SYT1: variants seen among roughly 807,000 people sequenced by gnomAD.
The protein encoded by SYT1 is synaptotagmin 1, also known as synaptotagmin-1.
SYT1 carries 8 observed loss-of-function variants against 44.8 expected under a neutral mutation model. The observed-to-expected ratio is 0.18, with a 90% CI of 0.10 to 0.32. The LOEUF (loss-of-function observed/expected upper bound fraction) is 0.32. Ranked by LOEUF, SYT1 falls within the 10% of genes least tolerant of loss-of-function variation. The pLI, the probability that SYT1 is intolerant of heterozygous loss-of-function variation, is 1.00. For synonymous variants in SYT1, 154 were observed against 188.8 expected (o/e 0.82, Z 1.51); for missense variants, 286 against 509.3 (o/e 0.56, Z 4.22).
intron 8 of SYT1, among the ~76,000 whole-genome samples, chr12:79,303,110 A>T (rs1880226570): frequency 6.6e-6 from 1 of 152,190 alleles, no homozygotes; most frequent in Non-Finnish European, 1.5e-5. Flanking sequence ...CCTGAAACCA[A>T]TCTTTATCTT....
At chr12:79,388,645 C>A (rs73354770) in intron 9 of SYT1, among the ~76,000 whole-genome samples, 1 of 152,018 alleles carries the variant, frequency 6.6e-6, no homozygotes, top group African/African-American at 2.4e-5. Flanking sequence ...AGGGATGTGG[C>A]GGTTGCAATG....
intron 3 of SYT1, among the ~76,000 whole-genome samples, chr12:79,059,118 G>T (rs888498839): frequency 2.0e-5 from 3 of 152,054 alleles, no homozygotes; most frequent in African/African-American, 7.2e-5. Flanking sequence ...AGGCAAGGGA[G>T]CACGTGCAGA....
intron 9 of SYT1, among the ~76,000 whole-genome samples, chr12:79,401,696 G>A (rs148953333): frequency 2.0e-5 from 3 of 149,030 alleles, no homozygotes; most frequent in East Asian, 2.0e-4. Flanking sequence ...TGGAGACAAG[G>A]TCTCACCCTG....
At chr12:78,978,894 T>A (rs954042149) in intron 2 of SYT1, among the ~76,000 whole-genome samples, 2 of 152,202 alleles carry the variant, frequency 1.3e-5, no homozygotes, top group Non-Finnish European at 2.9e-5. Flanking sequence ...CAACTATATA[T>A]TCCTATAAAA....
chr12:78,870,347 C>A (rs189648665), intron 1 of SYT1, among the ~76,000 whole-genome samples: 3 of 152,104 alleles, frequency 2.0e-5, no homozygotes, highest in African/African-American at 7.2e-5. Flanking sequence ...CCTCAAAGAA[C>A]CTATTTCTGT....
chr12:79,270,423 T>A (rs1206267303), intron 4 of SYT1, among the ~76,000 whole-genome samples: 1 of 152,188 alleles, frequency 6.6e-6, no homozygotes, highest in Non-Finnish European at 1.5e-5. Flanking sequence ...GCTGAATTTT[T>A]GTGGTGACCA....
chr12:78,959,951 G>C (rs887673618), intron 1 of SYT1, among the ~76,000 whole-genome samples: 2 of 152,150 alleles, frequency 1.3e-5, no homozygotes, highest in African/African-American at 2.4e-5. Flanking sequence ...AAACACTACT[G>C]GTGATTTTGA....
At chr12:79,051,510 C>T (rs1865861230) in intron 3 of SYT1, among the ~76,000 whole-genome samples, 1 of 151,260 alleles carries the variant, frequency 6.6e-6, no homozygotes, top group Admixed American at 6.6e-5. Context: ...AACATATGCA[C>T]ATTAAGTTTT....
intron 5 of SYT1, among the ~76,000 whole-genome samples, chr12:79,288,486 T>C (rs945714135): frequency 1.3e-5 from 2 of 152,154 alleles, no homozygotes; most frequent in African/African-American, 2.4e-5. Flanking sequence ...AATACATTTT[T>C]ACCATTTTAA....
rs1056133659 is a variant in SYT1 at position 79,219,591 on chromosome 12, C to G, written c.166+1906C>G. 4.6e-5 allele frequency among the ~76,000 whole-genome samples: 7 copies of G among 152,138 alleles called. No individual in the cohort carries two copies. The South Asian group carries it at 8.3e-4, about 18-fold the overall frequency. ...TATCCAGTTTTCCCAACACCATTTA[C>G]TAAAGAGGCTGTTCTTTCTCCATTG... On this transcript the variant is annotated intron_variant, in intron 4 of 10. Transcript: ENST00000261205.
chr12:79,057,159 A>C (rs61929016), intron 3 of SYT1, among the ~76,000 whole-genome samples: 30,467 of 151,896 alleles, frequency 0.2, 3,411 homozygotes, highest in East Asian at 0.31. Flanking sequence ...TGACAATTTT[A>C]TTTCTTTTCT....
chr12:78,881,210 C>T (rs1874435538), intron 1 of SYT1, among the ~76,000 whole-genome samples: 1 of 151,556 alleles, frequency 6.6e-6, no homozygotes, highest in Non-Finnish European at 1.5e-5. Context: ...AAATACTTCC[C>T]TCCTGTCCCT....
intron 1 of SYT1, among the ~76,000 whole-genome samples, chr12:78,959,863 A>T (rs1460379590): frequency 6.6e-6 from 1 of 152,192 alleles, no homozygotes; most frequent in East Asian, 1.9e-4. Flanking sequence ...TGCCATGATC[A>T]GAAGGGCCAT....
chr12:78,903,950 T>C (rs1875809505), intron 1 of SYT1, among the ~76,000 whole-genome samples: 1 of 151,926 alleles, frequency 6.6e-6, no homozygotes, highest in South Asian at 2.1e-4. Context: ...AAATCACATA[T>C]TATTAAAGAA....
rs533098955 is a variant in SYT1 at position 79,399,732 on chromosome 12, G to A, written c.929-44341G>A. Among the ~76,000 whole-genome samples the A allele has an allele frequency of 5.5e-4, 83 of 152,240 alleles. 1 individual carries two copies. Among genetic ancestry groups the A allele is most frequent in the African/African-American group, 1.9e-3 (80 of 41,526 alleles). ...GGTTTCTGAATAATCTGGAGGTCTTGTTAAAATGCAGATTTCCCTTCCCAC... is the reference window on the plus strand; with the variant it reads ...GGTTTCTGAATAATCTGGAGGTCTTATTAAAATGCAGATTTCCCTTCCCAC... On this transcript the variant is annotated intron_variant, in intron 9 of 10. Coordinates refer to ENST00000261205, the MANE Select transcript of SYT1 (RefSeq NM_005639.3).
At chr12:78,974,597 C>G (rs922660826) in intron 1 of SYT1, among the ~76,000 whole-genome samples, 2 of 151,768 alleles carry the variant, frequency 1.3e-5, no homozygotes, top group South Asian at 4.2e-4. Flanking sequence ...CCACCATGCC[C>G]GGCTAATTTT....
At chr12:79,125,327 G>C (rs967414601) in intron 3 of SYT1, among the ~76,000 whole-genome samples, 1 of 151,884 alleles carries the variant, frequency 6.6e-6, no homozygotes, top group South Asian at 2.1e-4. Context: ...AAAATGTTCA[G>C]AGGCTGGGCG....
At chr12:79,188,269 A>AT (rs1211738654) in intron 3 of SYT1, among the ~76,000 whole-genome samples, 7 of 152,118 alleles carry the variant, frequency 4.6e-5, no homozygotes, top group East Asian at 1.9e-4. Context: ...ATGGCAGGAG[A>AT]TTTTTTCCAT....
chr12:79,124,637 C>T (rs940389742), intron 3 of SYT1, among the ~76,000 whole-genome samples: 1 of 151,322 alleles, frequency 6.6e-6, no homozygotes, highest in Non-Finnish European at 1.5e-5. Flanking sequence ...TATCATCATC[C>T]TCATCGTCAT....
Sources: allele counts gnomAD v4.1 joint callset (sites outside exome capture counted in the v4.1 genomes callset), GRCh38; gene constraint gnomAD v4.1.1; transcripts MANE v1.5; gene names NCBI Gene and HGNC (gene_info 2026-07-23, HGNC 2026-07-21).